ANK2: variants seen among roughly 807,000 people sequenced by gnomAD.
ANK2 encodes the protein ankyrin 2.
Under a neutral mutation model 360.5 loss-of-function variants are expected in ANK2, and 83 were observed. The observed-to-expected ratio is 0.23, with a 90% confidence interval of 0.19 to 0.28. ANK2 has a LOEUF of 0.28. ANK2 is among the 10% of genes least tolerant of loss of function. The pLI is 1.00. For missense variants in ANK2, 4,201 were observed against 4,795.7 expected (o/e 0.88, Z 3.66); for synonymous variants, 1,740 against 1,759.5 (o/e 0.99, Z 0.28).
intron 2 of ANK2, among the ~76,000 whole-genome samples, chr4:113,031,945 GT>G (rs1579507046): frequency 1.3e-5 from 2 of 151,952 alleles, no homozygotes; most frequent in East Asian, 3.9e-4. Flanking sequence ...ATCATAGTGT[GT>G]TTTCAGGTAA....
the ANK2 span, among the ~76,000 whole-genome samples, chr4:112,789,171 T>G: frequency 6.6e-6 from 1 of 152,120 alleles, no homozygotes; most frequent in East Asian, 1.9e-4. Context: ...ATTATTATAC[T>G]GTGGTAAAAT....
chr4:113,323,759 C>A, intron 26 of ANK2: 1 of 1,611,624 alleles, frequency 6.2e-7, no homozygotes, highest in Non-Finnish European at 8.5e-7. Context: ...TCTGTTGCAG[C>A]CGCGCCTCTC....
the ANK2 span, among the ~76,000 whole-genome samples, chr4:112,740,979 A>T: frequency 6.6e-6 from 1 of 151,248 alleles, no homozygotes; most frequent in Non-Finnish European, 1.5e-5. Context: ...GACAGGGTGA[A>T]CTCTGTCTCA....
At position 113,196,466 on chromosome 4, in the gene ANK2, G is replaced by GGTAA; in HGVS notation, c.285+1_285+4dup. 6.2e-7 allele frequency: 1 copy of GGTAA among 1,611,594 alleles called. No homozygotes were observed. The highest frequency in any genetic ancestry group is 8.5e-7 in the Non-Finnish European group (1 of 1,178,624). On this transcript the variant is annotated frameshift_variant and splice_region_variant. Coordinates refer to ENST00000357077, the MANE Select transcript of ANK2 (RefSeq NM_001148.6). LOFTEE classifies it high-confidence loss of function. The stretch of plus-strand genomic sequence containing the variant: ...GGTCCTCTGTGGATTCTGCCACTAA[G>GGTAA]GTAACATTTATGTTGGTAGAACATT...
chr4:112,969,183 G>A (rs1188534573), intron 2 of ANK2, among the ~76,000 whole-genome samples: 1 of 152,140 alleles, frequency 6.6e-6, no homozygotes, highest in Non-Finnish European at 1.5e-5. Context: ...TCAGACCCTA[G>A]GCACTGGAGC....
At chr4:113,021,479 A>ATGTATG (rs2058049599) in intron 2 of ANK2, among the ~76,000 whole-genome samples, 5 of 146,956 alleles carry the variant, frequency 3.4e-5, no homozygotes, top group Non-Finnish European at 7.5e-5. Context: ...ATATATAAGT[A>ATGTATG]CGTATGTGTA....
chr4:112,744,345 T>C, the ANK2 span, among the ~76,000 whole-genome samples: 1 of 132,302 alleles, frequency 7.6e-6, no homozygotes, highest in Non-Finnish European at 1.5e-5. Flanking sequence ...TTCCTTAGGA[T>C]ATGATTTTTT....
At chr4:113,238,652 G>A (rs1463616835) in intron 7 of ANK2, among the ~76,000 whole-genome samples, 1 of 152,110 alleles carries the variant, frequency 6.6e-6, no homozygotes, top group African/African-American at 2.4e-5. Context: ...AGCAGTATTG[G>A]CTCTAAACAT....
intron 1 of ANK2, chr4:112,826,632 G>A: frequency 8.2e-7 from 1 of 1,225,298 alleles, no homozygotes; most frequent in Non-Finnish European, 1.2e-6. Context: ...GGCTTCAGGA[G>A]GCAGTGAAAA....
At chr4:113,242,328 T>C (rs1037892827) in intron 9 of ANK2, 119 bp downstream of exon 9, 15 of 859,396 alleles carry the variant, frequency 1.7e-5, no homozygotes, top group Non-Finnish European at 2.7e-5. Flanking sequence ...AATTGCTTTA[T>C]TGGAATTGAT....
the ANK2 span, among the ~76,000 whole-genome samples, chr4:112,710,409 G>C: frequency 6.6e-6 from 1 of 152,112 alleles, no homozygotes; most frequent in Non-Finnish European, 1.5e-5. Flanking sequence ...CAGGAGAATA[G>C]CTTGGGCCAG....
intron 1 of ANK2, among the ~76,000 whole-genome samples, chr4:112,879,855 C>T (rs1426457909): frequency 1.3e-5 from 2 of 152,140 alleles, no homozygotes; most frequent in African/African-American, 4.8e-5. Context: ...CCCCTGCTTC[C>T]TTCTTCTGTG....
At chr4:113,269,496 C>G (rs181790739) in intron 14 of ANK2, among the ~76,000 whole-genome samples, 1 of 152,336 alleles carries the variant, frequency 6.6e-6, no homozygotes, top group East Asian at 1.9e-4. Flanking sequence ...CCTCATGGCA[C>G]GGTCCCTCAC....
At chr4:112,951,550 G>A (rs1489605164) in intron 2 of ANK2, among the ~76,000 whole-genome samples, 1 of 151,580 alleles carries the variant, frequency 6.6e-6, no homozygotes, top group Non-Finnish European at 1.5e-5. Context: ...CTTCATTCTT[G>A]TTACTGCCAC....
At chr4:113,175,932 C>A (rs1464535053) in intron 2 of ANK2, among the ~76,000 whole-genome samples, 1 of 152,214 alleles carries the variant, frequency 6.6e-6, no homozygotes, top group African/African-American at 2.4e-5. Flanking sequence ...TGGCCCTGAG[C>A]AGTCCTGCAG....
the ANK2 span, among the ~76,000 whole-genome samples, chr4:112,747,060 T>TA: frequency 6.6e-6 from 1 of 152,172 alleles, no homozygotes; most frequent in Non-Finnish European, 1.5e-5. Flanking sequence ...TGCAGTTTTC[T>TA]AAAAAAGAAG....
At chr4:112,852,923 A>C (rs1263331536) in intron 1 of ANK2, among the ~76,000 whole-genome samples, 2 of 152,232 alleles carry the variant, frequency 1.3e-5, no homozygotes, top group African/African-American at 4.8e-5. Context: ...TGTAATATTT[A>C]AAGTCACTTT....
intron 2 of ANK2, among the ~76,000 whole-genome samples, chr4:112,958,559 G>A (rs183061131): frequency 6.6e-6 from 1 of 152,156 alleles, no homozygotes; most frequent in South Asian, 2.1e-4. Flanking sequence ...GTCCAGCTTC[G>A]GCTCGGCATC....
intron 10 of ANK2, 117 bp downstream of exon 10, chr4:113,249,979 G>A: frequency 1.1e-6 from 1 of 928,810 alleles, no homozygotes; most frequent in Non-Finnish European, 1.7e-6. Flanking sequence ...TTTAATAATT[G>A]TGTGCTAGGA....
Sources: allele counts gnomAD v4.1 joint callset (sites outside exome capture counted in the v4.1 genomes callset), GRCh38; gene constraint gnomAD v4.1.1; transcripts MANE v1.5; gene names NCBI Gene and HGNC (gene_info 2026-07-23, HGNC 2026-07-21).